The following SNU13 variants were observed in gnomAD, a reference collection of about 807,000 sequenced individuals.
The protein encoded by SNU13 is small nuclear ribonucleoprotein 13.
In SNU13, 2 loss-of-function variants were observed where a neutral mutation model predicts 12.4. The observed-to-expected ratio is 0.16, with a 90% confidence interval of 0.07 to 0.51. The LOEUF is 0.51. SNU13 is among the 20% of genes least tolerant of loss of function. SNU13 has a pLI of 0.96. For synonymous variants in SNU13, 68 were observed against 66.5 expected (o/e 1.02, Z -0.11); for missense variants, 66 against 157.8 (o/e 0.42, Z 3.12).
rs552840160 is a variant in SNU13, at chr22:41,674,880, T to C, written c.*53A>G. The C allele has an allele frequency of 1.9e-6, 3 of 1,592,990 alleles. No individual in the cohort carries two copies. The highest frequency in any genetic ancestry group is 1.1e-5 in the South Asian group (1 of 89,340). ...CTACATGCTAACACAGATAATATGA[T>C]ACACAACCTCAGGGGGGAAGCTGGC... On this transcript the variant is annotated 3_prime_UTR_variant, in exon 3 of 3. Coordinates refer to ENST00000401959, the MANE Select transcript of SNU13 (RefSeq NM_001003796.2).
At chr22:41,683,300 TTA>T (rs1471853666) in intron 1 of SNU13, among the ~76,000 whole-genome samples, 1 of 152,096 alleles carries the variant, frequency 6.6e-6, no homozygotes, top group African/African-American at 2.4e-5. Flanking sequence ...GTGCCTGGCC[TTA>T]TTTTTTCGAT....
chr22:41,690,458 G>A (rs749189431), upstream of SNU13: 15 of 725,736 alleles, frequency 2.1e-5, no homozygotes, highest in Non-Finnish European at 3.8e-5. Flanking sequence ...ATGCTAACCA[G>A]GCCTGGCACC....
upstream of SNU13, among the ~76,000 whole-genome samples, chr22:41,689,466 G>A (rs1386652454): frequency 7.1e-6 from 1 of 141,324 alleles, no homozygotes; most frequent in Non-Finnish European, 1.5e-5. Flanking sequence ...TCAGGAGATC[G>A]AGACCATCCT....
intron 2 of SNU13, among the ~76,000 whole-genome samples, chr22:41,676,746 C>A (rs554520305): frequency 6.6e-6 from 1 of 152,258 alleles, no homozygotes; most frequent in African/African-American, 2.4e-5. Context: ...AAGAGTCTAC[C>A]ACGCCAAACC....
At chr22:41,678,774 G>A (rs983915389) in intron 2 of SNU13, among the ~76,000 whole-genome samples, 1 of 152,198 alleles carries the variant, frequency 6.6e-6, no homozygotes, top group Non-Finnish European at 1.5e-5. Context: ...GTGACGAGCA[G>A]GGAGGAAAGA....
intron 1 of SNU13, chr22:41,682,248 T>G: frequency 4.9e-6 from 6 of 1,222,918 alleles, no homozygotes; most frequent in Non-Finnish European, 6.0e-6. Context: ...CACCTGCCTT[T>G]TCCTCCTTCC....
chr22:41,690,264 G>A (rs2068349200), upstream of SNU13, among the ~76,000 whole-genome samples: 1 of 152,152 alleles, frequency 6.6e-6, no homozygotes, highest in South Asian at 2.1e-4. Flanking sequence ...ATAATAGAAG[G>A]ACAGGCAGAT....
At position 41,684,528 on chromosome 22, in the gene SNU13, T is replaced by C. The variant is rs187996891; in HGVS notation, c.4-4164A>G. 7.3e-3 allele frequency among the ~76,000 whole-genome samples: 1,106 copies of C among 152,360 alleles called. 9 individuals carry two copies. Among genetic ancestry groups the C allele is most frequent in the African/African-American group, 0.025 (1,033 of 41,578 alleles). On this transcript the variant is annotated intron_variant, in intron 1 of 2. Coordinates refer to ENST00000401959, the MANE Select transcript of SNU13 (RefSeq NM_001003796.2). ...TGGTATTTTCATTATTGTTCTGTTC[T>C]ATTTTTGAATTCCTACTACAATTTT...
At chr22:41,682,422 G>C in intron 1 of SNU13, 1 of 1,612,764 alleles carries the variant, frequency 6.2e-7, no homozygotes, top group Non-Finnish European at 8.5e-7. Context: ...GGTTTGGACG[G>C]TCTGCTGCCC....
chr22:41,682,530 C>T (rs2068273992), intron 1 of SNU13: 7 of 1,508,176 alleles, frequency 4.6e-6, no homozygotes, highest in African/African-American at 1.4e-5. Flanking sequence ...TACACCAGGA[C>T]GCCCTGTCTT....
chr22:41,690,459 G>T (rs1037988607), upstream of SNU13: 18 of 726,234 alleles, frequency 2.5e-5, no homozygotes, highest in Admixed American at 1.0e-4. Flanking sequence ...TGCTAACCAG[G>T]CCTGGCACCA....
At chr22:41,683,030 C>G (rs543203864) in intron 1 of SNU13, among the ~76,000 whole-genome samples, 1 of 152,098 alleles carries the variant, frequency 6.6e-6, no homozygotes, top group Non-Finnish European at 1.5e-5. Context: ...GACAGGGTCT[C>G]GCTCTGTCAC....
chr22:41,683,692 G>C (rs896610253), intron 1 of SNU13, among the ~76,000 whole-genome samples: 14 of 152,130 alleles, frequency 9.2e-5, no homozygotes, highest in Non-Finnish European at 1.5e-5. Context: ...ATATGCATTT[G>C]TAACTTTTAT....
upstream of SNU13, chr22:41,690,471 G>A: frequency 1.4e-6 from 1 of 737,296 alleles, no homozygotes; most frequent in Non-Finnish European, 2.5e-6. Flanking sequence ...CTGGCACCAG[G>A]GTCAGAGTTG....
At chr22:41,690,093 AAG>A (rs1201209711), upstream of SNU13, among the ~76,000 whole-genome samples, 1 of 152,194 alleles carries the variant, frequency 6.6e-6, no homozygotes, top group Non-Finnish European at 1.5e-5. Flanking sequence ...TTTTGGGTAA[AAG>A]AGTCTTCAGG....
chr22:41,682,535 T>C (rs1221230914), intron 1 of SNU13: 10 of 1,499,600 alleles, frequency 6.7e-6, no homozygotes, highest in Non-Finnish European at 8.9e-6. Context: ...CAGGACGCCC[T>C]GTCTTCTACG....
At chr22:41,688,908 G>T, upstream of SNU13, 1 of 1,466,484 alleles carries the variant, frequency 6.8e-7, no homozygotes, top group South Asian at 1.3e-5. Context: ...GCCCCGCGCG[G>T]CAGGAAGCGA....
intron 1 of SNU13, among the ~76,000 whole-genome samples, chr22:41,684,739 G>C (rs572941101): frequency 6.6e-6 from 1 of 152,332 alleles, no homozygotes; most frequent in African/African-American, 2.4e-5. Flanking sequence ...ACTGGCTGCA[G>C]TGGCTCAGGC....
upstream of SNU13, chr22:41,688,877 A>T: frequency 1.3e-6 from 2 of 1,506,776 alleles, no homozygotes; most frequent in South Asian, 1.2e-5. Context: ...GGAAAAACTC[A>T]CAGAAGCAGC....
Sources: gnomAD v4.1 joint callset for allele counts (sites outside exome capture counted in the v4.1 genomes callset) on GRCh38, gnomAD v4.1.1 for gene constraint, MANE v1.5 for transcripts, NCBI Gene and HGNC (gene_info 2026-07-23, HGNC 2026-07-21) for gene names.